Variants in FGD6 observed in about 807,000 individuals in gnomAD.
FGD6 encodes FYVE, RhoGEF and PH domain-containing protein 6.
FGD6 carries 90 observed loss-of-function variants against 149.4 expected under a neutral mutation model. The observed-to-expected ratio is 0.60, with a 90% CI of 0.51 to 0.72. FGD6 has a LOEUF of 0.72. Among genes scored for constraint, FGD6 ranks in the 30% least tolerant of loss-of-function variants. The pLI is 0.00. For missense variants in FGD6, 1,437 were observed against 1,684.8 expected, an observed-to-expected ratio of 0.85 and a Z score of 2.57; for synonymous variants, 527 against 584.0, an observed-to-expected ratio of 0.90 and a Z score of 1.41.
intron 2 of FGD6, 31 bp from the exon 3 acceptor site, chr12:95,172,775 C>T (rs902432377): frequency 6.5e-7 from 1 of 1,530,352 alleles, no homozygotes; most frequent in African/African-American, 1.4e-5. Context: ...GTATTAGTCA[C>T]CTTCAATAAT....
intron 8 of FGD6, chr12:95,126,022 C>T: frequency 1.5e-6 from 2 of 1,328,636 alleles, no homozygotes; most frequent in Non-Finnish European, 1.1e-6. Flanking sequence ...AAATGGGCAG[C>T]CACACAATGG....
intron 9 of FGD6, among the ~76,000 whole-genome samples, chr12:95,112,828 C>T (rs1225357900): frequency 6.6e-6 from 1 of 152,156 alleles, no homozygotes; most frequent in African/African-American, 2.4e-5. Context: ...TTAAGTACTA[C>T]TAGGGCTGAG....
chr12:95,096,985 G>A (rs563412447), intron 14 of FGD6, among the ~76,000 whole-genome samples: 6 of 152,204 alleles, frequency 3.9e-5, no homozygotes, highest in Non-Finnish European at 8.8e-5. Flanking sequence ...ATTGCTGTTG[G>A]ATTCTTCTGG....
chr12:95,127,978 C>CT (rs935761204), intron 8 of FGD6, among the ~76,000 whole-genome samples: 8 of 152,030 alleles, frequency 5.3e-5, no homozygotes, highest in Admixed American at 1.3e-4. Flanking sequence ...AAATGAAAGG[C>CT]TTTTTTCTGA....
intron 6 of FGD6, 46 bp downstream of exon 6, chr12:95,141,342 C>G: frequency 6.3e-7 from 1 of 1,596,272 alleles, no homozygotes; most frequent in South Asian, 1.1e-5. Context: ...ATGGCTTCAT[C>G]TAAAATTGGA....
Position 95,163,367 on chromosome 12 carries a change from T to C in FGD6, c.2586+9233A>G, listed in dbSNP as rs567637198. 2.6e-5 allele frequency among the ~76,000 whole-genome samples: 4 copies of C among 152,290 alleles called. No homozygotes were observed. In the East Asian group the frequency reaches 7.7e-4, roughly 29 times the overall value. On this transcript the variant is annotated intron_variant, in intron 3 of 20. Coordinates refer to ENST00000343958, the MANE Select transcript of FGD6 (RefSeq NM_018351.4). ...CAACACTCCAACTTTTTTTTTATGA[T>C]GGCTCCCTTGACATTCTTTCCCTCC...
intron 2 of FGD6, among the ~76,000 whole-genome samples, chr12:95,177,908 A>AATTTATTT (rs71078616): frequency 0.18 from 25,771 of 142,198 alleles, 2,718 homozygotes; most frequent in South Asian, 0.27. Context: ...TTTAAACAAC[A>AATTTATTT]ATTTATTTAT....
chr12:95,106,831 T>C (rs1592834163), intron 13 of FGD6, 123 bp downstream of exon 13: 1 of 699,410 alleles, frequency 1.4e-6, no homozygotes, highest in East Asian at 2.9e-5. Flanking sequence ...GAGGTGGAGG[T>C]TGCAGTCAGC....
At chr12:95,194,423 C>T (rs574168175) in intron 2 of FGD6, among the ~76,000 whole-genome samples, 19 of 103,742 alleles carry the variant, frequency 1.8e-4, no homozygotes, top group African/African-American at 5.0e-4. Context: ...TCAGTAGAGT[C>T]GGGGTTTCTA....
intron 18 of FGD6, among the ~76,000 whole-genome samples, chr12:95,088,072 C>A (rs191336885): frequency 6.6e-6 from 1 of 152,200 alleles, no homozygotes; most frequent in East Asian, 1.9e-4. Context: ...CTCCTTTATA[C>A]CAATTTAGGA....
intron 5 of FGD6, among the ~76,000 whole-genome samples, chr12:95,151,727 A>G (rs1565909888): frequency 6.6e-6 from 1 of 152,336 alleles, no homozygotes; most frequent in Non-Finnish European, 1.5e-5. Flanking sequence ...ATGGATGTAT[A>G]TTTGGTGAAC....
Position 95,151,899 on chromosome 12 carries a change from T to C in FGD6, c.2685+912A>G, listed in dbSNP as rs577029125. 2.5e-4 allele frequency among the ~76,000 whole-genome samples: 38 copies of C among 152,268 alleles called. 1 individual carries two copies. In the South Asian group the frequency reaches 7.3e-3, roughly 29 times the overall value. ...TTGCCTAAATATAATTGAAATAAAG[T>C]AACCCTAAAAGCACTTTAACTGTCA... On this transcript the variant is annotated intron_variant, in intron 5 of 20. Transcript: ENST00000343958.
chr12:95,090,714 T>C (rs1176773437), intron 17 of FGD6, among the ~76,000 whole-genome samples: 1 of 152,186 alleles, frequency 6.6e-6, no homozygotes, highest in Non-Finnish European at 1.5e-5. Flanking sequence ...TAGAAATATG[T>C]GGACTCTGAA....
intron 2 of FGD6, among the ~76,000 whole-genome samples, chr12:95,175,701 G>A (rs1881113533): frequency 1.3e-5 from 2 of 151,384 alleles, no homozygotes; most frequent in Admixed American, 6.6e-5. Flanking sequence ...TCAGGAGGCT[G>A]AGGTAGGAGA....
Position 95,144,962 on chromosome 12 carries a change from T to A in FGD6, c.2686-3423A>T, listed in dbSNP as rs542206346. 3.8e-4 allele frequency among the ~76,000 whole-genome samples: 56 copies of A among 148,896 alleles called. No homozygotes were observed. The South Asian group carries it at 0.012, about 32-fold the overall frequency. ...CCTCAGCCTCTGAAAGTGCTGGGAT[T>A]ACAGGCGTGAGCCACCGCACCCGGC... is the stretch of plus-strand genomic sequence containing the variant. On this transcript the variant is annotated intron_variant, in intron 5 of 20. Coordinates refer to ENST00000343958, the MANE Select transcript of FGD6 (RefSeq NM_018351.4).
Position 95,210,771 on chromosome 12 carries a change from C to T in FGD6, c.513G>A (p.Gly171=), listed in dbSNP as rs4762288. ...CTAAAACGCTTGCCTTTAAAACAAC[C>T]CCACCCTGGTTCTTGGCTTTTTCAC... ...LYGEKAKNQG[G]VVLKASVLEE... Residue 171 remains glycine (G), a synonymous_variant, in exon 2 of 21, where the codon GGG becomes GGA. Coordinates refer to ENST00000343958, the MANE Select transcript of FGD6 (RefSeq NM_018351.4). 70,058 of 1,613,946 alleles carry T rather than the reference C, an allele frequency of 0.043. 2,172 individuals carry two copies. The highest frequency in any genetic ancestry group is 0.14 in the Middle Eastern group (840 of 6,060).
chr12:95,183,069 G>A (rs1229903332), intron 2 of FGD6, among the ~76,000 whole-genome samples: 3 of 152,230 alleles, frequency 2.0e-5, no homozygotes, highest in Non-Finnish European at 4.4e-5. Context: ...AACCATTGCG[G>A]TGCAAGGCTG....
At chr12:95,096,816 T>C (rs1878245459) in intron 14 of FGD6, among the ~76,000 whole-genome samples, 1 of 152,232 alleles carries the variant, frequency 6.6e-6, no homozygotes, top group African/African-American at 2.4e-5. Context: ...CACCAGGTCA[T>C]TGCTAGCCTC....
intron 2 of FGD6, among the ~76,000 whole-genome samples, chr12:95,203,616 T>A (rs1341447361): frequency 6.6e-6 from 1 of 152,224 alleles, no homozygotes; most frequent in African/African-American, 2.4e-5. Flanking sequence ...TGGGCAGAAG[T>A]TCCTTGGGAG....
Sources: allele counts gnomAD v4.1 joint callset (sites outside exome capture counted in the v4.1 genomes callset), GRCh38; gene constraint gnomAD v4.1.1; transcripts MANE v1.5; gene names NCBI Gene and HGNC (gene_info 2026-07-23, HGNC 2026-07-21).